TBC1D9: variants seen among roughly 807,000 people sequenced by gnomAD.
TBC1D9 encodes the protein TBC1 domain family member 9A.
Under a neutral mutation model 132.0 loss-of-function variants are expected in TBC1D9, and 63 were observed. The ratio of observed to expected loss-of-function variants is 0.48; its 90% CI spans 0.39 to 0.59. The LOEUF is 0.59. TBC1D9 is among the 20% of genes least tolerant of loss of function. The probability of loss-of-function intolerance (pLI) is 0.00; values close to 1 mark genes in which losing one functional copy is unlikely to be tolerated. For missense variants in TBC1D9, 1,261 were observed against 1,592.7 expected, an observed-to-expected ratio of 0.79 and a Z score of 3.54; for synonymous variants, 610 against 609.9, an observed-to-expected ratio of 1.00 and a Z score of 0.00.
At chr4:140,725,916 T>C (rs1301926176) in intron 1 of TBC1D9, among the ~76,000 whole-genome samples, 1 of 152,228 alleles carries the variant, frequency 6.6e-6, no homozygotes, top group East Asian at 1.9e-4. Context: ...AATTTTCCAC[T>C]GTATGCTGTT....
At chr4:140,748,173 T>A (rs554608607) in intron 1 of TBC1D9, among the ~76,000 whole-genome samples, 1 of 152,046 alleles carries the variant, frequency 6.6e-6, no homozygotes, top group Non-Finnish European at 1.5e-5. Context: ...AAAAATAAGA[T>A]TGAGAATTGT....
intron 15 of TBC1D9, among the ~76,000 whole-genome samples, chr4:140,637,111 G>T (rs972592164): frequency 1.3e-5 from 2 of 152,120 alleles, no homozygotes; most frequent in Admixed American, 6.5e-5. Flanking sequence ...CAGCACTTTG[G>T]GAGGCCAAGG....
intron 1 of TBC1D9, among the ~76,000 whole-genome samples, chr4:140,719,989 T>C (rs1445982475): frequency 6.6e-6 from 1 of 152,182 alleles, no homozygotes; most frequent in Non-Finnish European, 1.5e-5. Context: ...AACCACAATT[T>C]CTTCACCCAC....
intron 1 of TBC1D9, chr4:140,712,034 GAGCTCA>G (rs1738251998): frequency 6.6e-6 from 1 of 152,114 alleles, no homozygotes; most frequent in South Asian, 2.1e-4. Context: ...TACTCAAAGA[GAGCTCA>G]TGCCATCAAG....
chr4:140,680,225 T>C (rs1737683160), intron 3 of TBC1D9, among the ~76,000 whole-genome samples: 2 of 152,174 alleles, frequency 1.3e-5, no homozygotes, highest in Admixed American at 1.3e-4. Flanking sequence ...AAATTCATCA[T>C]GAATGAGCCA....
intron 1 of TBC1D9, among the ~76,000 whole-genome samples, chr4:140,726,885 C>T (rs1341187435): frequency 2.0e-5 from 3 of 152,150 alleles, no homozygotes; most frequent in Non-Finnish European, 4.4e-5. Flanking sequence ...TGCCCAAATG[C>T]ATCTGTTACA....
chr4:140,743,700 G>A (rs1265643672), intron 1 of TBC1D9, among the ~76,000 whole-genome samples: 1 of 152,150 alleles, frequency 6.6e-6, no homozygotes, highest in East Asian at 1.9e-4. Context: ...GGCATTGTAA[G>A]CTGCCTAGGT....
chr4:140,705,610 C>T (rs1738139492), intron 1 of TBC1D9, among the ~76,000 whole-genome samples: 1 of 151,268 alleles, frequency 6.6e-6, no homozygotes, highest in Admixed American at 6.6e-5. Flanking sequence ...AAGTCAAGAC[C>T]CTGGGAAAAA....
chr4:140,667,046 AT>A (rs1481338518), intron 9 of TBC1D9, among the ~76,000 whole-genome samples: 1 of 152,166 alleles, frequency 6.6e-6, no homozygotes, highest in African/African-American at 2.4e-5. Context: ...TCTGACCTGC[AT>A]TTCATTTCAG....
In TBC1D9 at chr4:140,668,943, C is replaced by T. The variant is rs775692577; in HGVS notation, c.1562G>A (p.Arg521His). Residue 521 changes from arginine (R) to histidine (H), a missense_variant, in exon 9 of 21, where the codon CGT becomes CAT. By Grantham distance (29) the Arg-to-His change is conservative. Coordinates refer to ENST00000442267, the MANE Select transcript of TBC1D9 (RefSeq NM_015130.3). The part of the protein sequence containing the change: ...LVLKGIPESM[R>H]GELWLLLSGA... ...TGACAGCAGCAGCCAGAGCTCCCCA[C>T]GCATGCTCTCCGGGATGCCCTTCAA... The T allele has an allele frequency of 3.9e-5, 63 of 1,613,822 alleles. No individual in the cohort carries two copies. The highest frequency in any genetic ancestry group is 4.8e-5 in the Non-Finnish European group (57 of 1,179,892).
intron 7 of TBC1D9, among the ~76,000 whole-genome samples, 158 bp from the exon 8 acceptor site, chr4:140,669,962 T>C (rs1278448798): frequency 6.6e-6 from 1 of 152,238 alleles, no homozygotes; most frequent in Non-Finnish European, 1.5e-5. Flanking sequence ...GCCATCATTT[T>C]GGCAGGGATT....
chr4:140,696,066 A>G (rs569961927), intron 2 of TBC1D9, among the ~76,000 whole-genome samples: 34 of 152,358 alleles, frequency 2.2e-4, no homozygotes, highest in African/African-American at 8.2e-4. Context: ...GTTGTTTAGG[A>G]AAGTTTTTTG....
rs1245879884 is a variant in TBC1D9 at position 140,622,856 on chromosome 4, T to C, written c.3140A>G (p.Gln1047Arg). 1.3e-6 allele frequency: 2 copies of C among 1,591,898 alleles called. No individual in the cohort carries two copies. The highest frequency in any genetic ancestry group is 4.5e-5 in the East Asian group (2 of 44,246). ...TGCTGCCGTGGCGTGGTACAGCTCC[T>C]GCTCATTGGGGTCTTCGCTGAACAT... ...YNMFSEDPNE[Q>R]ELYHATAAVT... is the part of the protein sequence containing the mutation. Residue 1047 changes from glutamine (Q) to arginine (R), a missense_variant, in exon 21 of 21, where the codon CAG becomes CGG. Around this residue, in one of 3 missense-constraint regions of TBC1D9, gnomAD observed 618 missense variants for 724.4 expected, o/e 0.85. Transcript: ENST00000442267.
chr4:140,742,687 A>T (rs1361273122), intron 1 of TBC1D9, among the ~76,000 whole-genome samples: 1 of 152,112 alleles, frequency 6.6e-6, no homozygotes, highest in Non-Finnish European at 1.5e-5. Context: ...TTCAAATTAC[A>T]AATTTCTAGT....
At chr4:140,710,191 T>C (rs1315337507) in intron 1 of TBC1D9, among the ~76,000 whole-genome samples, 1 of 152,000 alleles carries the variant, frequency 6.6e-6, no homozygotes, top group Non-Finnish European at 1.5e-5. Context: ...ACTCAACATA[T>C]GTGAATGAAG....
At position 140,755,943 on chromosome 4, in the gene TBC1D9, C is replaced by T. The variant is rs758921166; in HGVS notation, c.103G>A (p.Asp35Asn). The change falls in exon 1 of 21, where the codon GAT (aspartate) becomes AAT (asparagine). Residue 35 changes from aspartate to asparagine, a missense_variant. Physicochemically the swap from Asp to Asn is conservative, Grantham distance 23. Around this residue, in one of 3 missense-constraint regions of TBC1D9, gnomAD observed 550 missense variants for 699.0 expected, o/e 0.79. Coordinates refer to ENST00000442267, the MANE Select transcript of TBC1D9 (RefSeq NM_015130.3). ...GCCAGTCCGCCGCCGCCGCCTCCAT[C>T]GCCGGCGTGGCCCTTCCTCCGCTGC... is the stretch of plus-strand genomic sequence containing the variant. ...ILQRRKGHAG[D>N]GGGGGGLAGL... is the part of the protein sequence containing the mutation. 6.3e-7 allele frequency: 1 copy of T among 1,589,848 alleles called. No homozygotes were observed. Among genetic ancestry groups the T allele is most frequent in the South Asian group, 1.1e-5 (1 of 87,640 alleles).
chr4:140,669,680 A>G lies in TBC1D9; in HGVS notation c.1391T>C (p.Met464Thr). The change falls in exon 8 of 21, where the codon ATG becomes ACG. Residue 464 changes from methionine (M) to threonine (T), a missense_variant. Transcript: ENST00000442267. ...NSVPTATQTL[M>T]TMYRRRSPEE... ...GGGAGACCGCCGCCGATACATGGTC[A>G]TCAGGGTCTGTGTGGCTGTGGGGAC... is the stretch of plus-strand genomic sequence containing the variant. 1 of 1,613,928 alleles carries G rather than the reference A, an allele frequency of 6.2e-7. No homozygotes were observed. Among genetic ancestry groups the G allele is most frequent in the South Asian group, 1.1e-5 (1 of 91,066 alleles).
chr4:140,623,003 G>T, intron 20 of TBC1D9, 86 bp from the exon 21 acceptor site: 1 of 1,411,204 alleles, frequency 7.1e-7, no homozygotes, highest in Non-Finnish European at 9.2e-7. Context: ...CCATTTAAAT[G>T]AGAACGCCTA....
chr4:140,735,476 T>C (rs1011342343), intron 1 of TBC1D9, among the ~76,000 whole-genome samples: 4 of 152,130 alleles, frequency 2.6e-5, no homozygotes, highest in Admixed American at 6.5e-5. Flanking sequence ...CTTTGGGACA[T>C]TGAGGCAGGA....
Sources: allele counts gnomAD v4.1 joint callset (sites outside exome capture counted in the v4.1 genomes callset), GRCh38; gene constraint gnomAD v4.1.1; regional missense constraint gnomAD v4.1.1; transcripts MANE v1.5; gene names NCBI Gene and HGNC (gene_info 2026-07-23, HGNC 2026-07-21).